ADGB: variants seen among roughly 807,000 people sequenced by gnomAD.
ADGB encodes the protein androglobin, also known as calpain-7-like protein.
A neutral mutation model predicts 210.5 loss-of-function variants in ADGB; 172 were observed. That is an observed-to-expected ratio of 0.82 (90% CI 0.72 to 0.93). The LOEUF (loss-of-function observed/expected upper bound fraction) is 0.93. Among genes scored for constraint, ADGB ranks in the 40% least tolerant of loss-of-function variants. ADGB has a pLI of 0.00. For missense variants in ADGB, 2,025 were observed against 1,964.8 expected, an observed-to-expected ratio of 1.03 and a Z score of -0.58; for synonymous variants, 658 against 662.7, an observed-to-expected ratio of 0.99 and a Z score of 0.11.
intron 19 of ADGB, among the ~76,000 whole-genome samples, chr6:146,727,954 G>A (rs1258358509): frequency 6.6e-6 from 1 of 152,112 alleles, no homozygotes; most frequent in Non-Finnish European, 1.5e-5. Context: ...TTGCACCATG[G>A]TGCCCTCTAA....
chr6:146,711,153 G>A lies in ADGB; in HGVS notation c.1708-4229G>A, dbSNP rs533665635. Among the ~76,000 whole-genome samples, 4 of 152,282 alleles carry A rather than the reference G, an allele frequency of 2.6e-5. No homozygotes were observed. The South Asian group carries it at 6.2e-4, about 24-fold the overall frequency. ...AATTTTTGGTTGAAACAACATTCCT[G>A]TTTTGTAAGGATTATTACTGCTGAA... On this transcript the variant is annotated intron_variant, in intron 13 of 35. Coordinates refer to ENST00000397944, the MANE Select transcript of ADGB (RefSeq NM_024694.4).
chr6:146,658,022 A>G lies in ADGB; in HGVS notation c.612+1042A>G, dbSNP rs758720141. On this transcript the variant is annotated intron_variant, in intron 5 of 35. Transcript: ENST00000397944. The stretch of plus-strand genomic sequence containing the variant: ...TCCTTGAACATTTAAAGGAATGGGA[A>G]AGTATTAAAAGTTAATAATTCCATT... Among the ~76,000 whole-genome samples, 5 of 152,140 alleles carry G rather than the reference A, an allele frequency of 3.3e-5. 1 individual carries two copies. The highest frequency in any genetic ancestry group is 5.9e-5 in the Non-Finnish European group (4 of 68,036).
At chr6:146,783,774 A>G (rs1777834310) in intron 30 of ADGB, among the ~76,000 whole-genome samples, 2 of 152,180 alleles carry the variant, frequency 1.3e-5, no homozygotes, top group Admixed American at 6.6e-5. Flanking sequence ...TGTAACCACA[A>G]TAGTTTCAAT....
intron 1 of ADGB, among the ~76,000 whole-genome samples, chr6:146,611,456 A>G (rs1370804456): frequency 6.6e-6 from 1 of 152,002 alleles, no homozygotes; most frequent in Non-Finnish European, 1.5e-5. Context: ...CTGCCTCTCT[A>G]AGAAGCTCTC....
At chr6:146,638,764 A>G (rs994235255) in intron 2 of ADGB, 2 of 150,922 alleles carry the variant, frequency 1.3e-5, no homozygotes, top group African/African-American at 4.9e-5. Flanking sequence ...TAAAAAAAAA[A>G]CTGTTCTTAG....
intron 25 of ADGB, among the ~76,000 whole-genome samples, chr6:146,742,510 C>T (rs1777176166): frequency 6.6e-6 from 1 of 151,956 alleles, no homozygotes; most frequent in Non-Finnish European, 1.5e-5. Context: ...GTGCAGTTAT[C>T]TATATTTGGA....
chr6:146,814,796 CTA>C (rs1778358329), intron 35 of ADGB, among the ~76,000 whole-genome samples: 1 of 152,128 alleles, frequency 6.6e-6, no homozygotes, highest in African/African-American at 2.4e-5. Flanking sequence ...TATGTTTTGA[CTA>C]TTTTTTCTAC....
chr6:146,803,833 T>C, intron 35 of ADGB: 1 of 348,820 alleles, frequency 2.9e-6, no homozygotes, highest in Non-Finnish European at 5.2e-6. Flanking sequence ...TCAGGGCCAT[T>C]CAAACGCGGC....
At chr6:146,622,897 G>A (rs1043103103) in intron 1 of ADGB, among the ~76,000 whole-genome samples, 16 of 152,104 alleles carry the variant, frequency 1.1e-4, no homozygotes, top group African/African-American at 3.1e-4. Context: ...AATGCAAAGC[G>A]TAAATTGATG....
chr6:146,623,647 A>G (rs891165669), intron 1 of ADGB, among the ~76,000 whole-genome samples: 1 of 151,882 alleles, frequency 6.6e-6, no homozygotes, highest in African/African-American at 2.4e-5. Context: ...ATGAGAATGT[A>G]TATTCTTGTC....
At chr6:146,769,964 C>T (rs1344250232) in intron 29 of ADGB, among the ~76,000 whole-genome samples, 2 of 152,088 alleles carry the variant, frequency 1.3e-5, no homozygotes, top group Non-Finnish European at 2.9e-5. Flanking sequence ...ACTCTTAGTC[C>T]TTTTCGTCCT....
At chr6:146,753,869 G>A (rs554687487) in intron 27 of ADGB, among the ~76,000 whole-genome samples, 143 of 151,660 alleles carry the variant, frequency 9.4e-4, no homozygotes, top group Non-Finnish European at 1.7e-3. Context: ...ATGTGCACCC[G>A]TACAATTATT....
chr6:146,684,830 T>G (rs1776200682), intron 9 of ADGB, among the ~76,000 whole-genome samples: 1 of 151,932 alleles, frequency 6.6e-6, no homozygotes, highest in South Asian at 2.1e-4. Flanking sequence ...AAATGAGTAA[T>G]GTAGGGAAAA....
intron 35 of ADGB, chr6:146,807,817 T>G: frequency 3.0e-6 from 1 of 328,270 alleles, no homozygotes; most frequent in South Asian, 5.4e-5. Context: ...TAAAATGTAA[T>G]AAAATATATG....
chr6:146,689,963 A>G (rs1206268497), intron 10 of ADGB, among the ~76,000 whole-genome samples: 1 of 152,192 alleles, frequency 6.6e-6, no homozygotes, highest in East Asian at 1.9e-4. Context: ...AAAGAAAATG[A>G]CAGTTTCCTC....
chr6:146,733,624 A>G (rs1319649992), intron 21 of ADGB, among the ~76,000 whole-genome samples: 1 of 152,124 alleles, frequency 6.6e-6, no homozygotes, highest in Non-Finnish European at 1.5e-5. Context: ...TCATTTTAAC[A>G]TGTCTTTTAT....
At chr6:146,727,819 T>C (rs76974166) in intron 19 of ADGB, among the ~76,000 whole-genome samples, 7,617 of 152,262 alleles carry the variant, frequency 0.05, 206 homozygotes, top group Middle Eastern at 0.071. Flanking sequence ...TCTAAGTCAG[T>C]GTGTTCCAGT....
rs767258172 is a variant in ADGB at position 146,733,791 on chromosome 6, T to C, written c.2657-102T>C. 2.1e-5 allele frequency: 27 copies of C among 1,268,786 alleles called. No individual in the cohort carries two copies. In the East Asian group the frequency reaches 3.3e-4, roughly 15 times the overall value. 78.6% of individuals were successfully genotyped at this position (1,268,786 alleles called of 1,614,324 possible). On this transcript the variant is annotated intron_variant, in intron 21 of 35. Coordinates refer to ENST00000397944, the MANE Select transcript of ADGB (RefSeq NM_024694.4). ...AAATATGATGCTAACTCTTGCAATGTAGAATTTTATATGTTGGAGGGCTTT... is the reference window on the plus strand; with the variant it reads ...AAATATGATGCTAACTCTTGCAATGCAGAATTTTATATGTTGGAGGGCTTT...
At chr6:146,656,732 G>T (rs757577050) in intron 4 of ADGB, 39 bp from the exon 5 acceptor site, 2 of 1,411,428 alleles carry the variant, frequency 1.4e-6, no homozygotes, top group South Asian at 1.5e-5. Context: ...ACCTACAACT[G>T]AAAAATAACC....
Sources: allele counts gnomAD v4.1 joint callset (sites outside exome capture counted in the v4.1 genomes callset), GRCh38; gene constraint gnomAD v4.1.1; transcripts MANE v1.5; gene names NCBI Gene and HGNC (gene_info 2026-07-23, HGNC 2026-07-21).